PRDM15: variants seen among roughly 807,000 people sequenced by gnomAD.
PRDM15 encodes the protein PR domain zinc finger protein 15.
PRDM15 carries 64 observed loss-of-function variants against 128.6 expected under a neutral mutation model. The ratio of observed to expected loss-of-function variants is 0.50; its 90% CI spans 0.41 to 0.61. The LOEUF (loss-of-function observed/expected upper bound fraction) is 0.61. Among genes scored for constraint, PRDM15 ranks in the 20% least tolerant of loss-of-function variants. The probability of loss-of-function intolerance (pLI) is 0.00; values close to 1 mark genes in which losing one functional copy is unlikely to be tolerated. For synonymous variants in PRDM15, 615 were observed against 621.8 expected (o/e 0.99, Z 0.16); for missense variants, 1,242 against 1,569.1 (o/e 0.79, Z 3.52).
chr21:41,837,508 G>A (rs1442462777), intron 8 of PRDM15, among the ~76,000 whole-genome samples: 2 of 152,192 alleles, frequency 1.3e-5, no homozygotes, highest in African/African-American at 4.8e-5. Flanking sequence ...GAGACAGAAA[G>A]TAGAATGGTG....
chr21:41,874,525 A>ATATATTTTTTTTTT, intron 1 of PRDM15, among the ~76,000 whole-genome samples: 10 of 95,830 alleles, frequency 1.0e-4, no homozygotes, highest in African/African-American at 2.1e-4. Context: ...ATATATATAT[A>ATATATTTTTTTTTT]TTTTTTTTTT....
intron 7 of PRDM15, 82 bp from the exon 8 acceptor site, chr21:41,838,145 A>G (rs2062957295): frequency 6.8e-7 from 1 of 1,481,348 alleles, no homozygotes; most frequent in South Asian, 1.2e-5. Context: ...ACACTGCCCC[A>G]TGGGAACCAC....
Position 41,854,916 on chromosome 21 carries a change from C to T in PRDM15, c.286-98G>A. 1 of 1,377,648 alleles carries T rather than the reference C, an allele frequency of 7.3e-7. No individual in the cohort carries two copies. Among genetic ancestry groups the T allele is most frequent in the Non-Finnish European group, 9.8e-7 (1 of 1,020,430 alleles). The allele number at this position is 1,377,648 out of a possible 1,614,324, so 85.3% of individuals were successfully genotyped here. ...GCAGGTGCTGAGGAACCCATCTAGA[C>T]AGTGCCACGTCAGAGGCCATAAGGG... On this transcript the variant is annotated intron_variant, in intron 4 of 23. Transcript: ENST00000398548. This position sits in a 1 kb window ranked among gnomAD's most constrained non-coding sequence, Gnocchi z 4.6.
chr21:41,827,530 C>T (rs891168125), intron 12 of PRDM15, among the ~76,000 whole-genome samples: 2 of 152,066 alleles, frequency 1.3e-5, no homozygotes, highest in Non-Finnish European at 2.9e-5. Flanking sequence ...TTTGTAGAAG[C>T]AGAGCCTCGC....
chr21:41,864,099 C>T (rs2063917228), intron 1 of PRDM15, among the ~76,000 whole-genome samples: 2 of 152,158 alleles, frequency 1.3e-5, no homozygotes, highest in African/African-American at 4.8e-5. Context: ...ACCTCGGCCT[C>T]CCAAAGTGCT....
At position 41,828,781 on chromosome 21, in the gene PRDM15, C is replaced by T. The variant is rs62214691; in HGVS notation, c.1367-448G>A. ...ACTGACCACCCGACCAATGTGGCCG[C>T]CCCTGCCCCCAGGATCCCTGGTGTT... On this transcript the variant is annotated intron_variant, in intron 11 of 23. Coordinates refer to ENST00000398548, the MANE Select transcript of PRDM15 (RefSeq NM_001040424.3). The surrounding 1 kb of genome is among the most constrained non-coding windows in gnomAD (Gnocchi z 5.7). 0.41 allele frequency among the ~76,000 whole-genome samples: 62,218 copies of T among 151,848 alleles called. 12,972 individuals carry two copies. The highest frequency in any genetic ancestry group is 0.58 in the East Asian group (2,987 of 5,164).
Position 41,810,121 on chromosome 21 carries a change from C to CGGGGCACGGAG in PRDM15, c.2652+22_2652+32dup. 1 of 1,583,300 alleles carries CGGGGCACGGAG rather than the reference C, an allele frequency of 6.3e-7. No homozygotes were observed. Among genetic ancestry groups the CGGGGCACGGAG allele is most frequent in the Non-Finnish European group, 8.6e-7 (1 of 1,165,660 alleles). ...GGGTGTCCGGTGCGCGGCCCGCTGG[C>CGGGGCACGGAG]GGGGCACGGAGGGGGCACAGCCACC... On this transcript the variant is annotated intron_variant, in intron 21 of 23. Transcript: ENST00000398548. The surrounding 1 kb of genome is among the most constrained non-coding windows in gnomAD (Gnocchi z 6.4).
chr21:41,840,892 CAAT>C (rs1053941596), intron 6 of PRDM15, among the ~76,000 whole-genome samples: 3 of 151,774 alleles, frequency 2.0e-5, no homozygotes, highest in African/African-American at 7.3e-5. Context: ...AATAAAAACA[CAAT>C]GTGTCGTATT....
intron 10 of PRDM15, 110 bp from the exon 11 acceptor site, chr21:41,835,634 G>A (rs953940367): frequency 2.6e-6 from 2 of 770,356 alleles, no homozygotes; most frequent in Admixed American, 3.9e-5. Flanking sequence ...TTATGACTCT[G>A]ACCTCCACCA....
intron 5 of PRDM15, among the ~76,000 whole-genome samples, chr21:41,849,998 G>GT (rs1026443517): frequency 2.6e-5 from 4 of 152,226 alleles, no homozygotes; most frequent in African/African-American, 9.6e-5. Flanking sequence ...GGCAACAGCA[G>GT]TTGAGTTAGA....
intron 19 of PRDM15, chr21:41,813,672 T>C (rs545487507): frequency 6.6e-6 from 1 of 152,504 alleles, no homozygotes; most frequent in East Asian, 1.9e-4. Context: ...CACTCGCCCA[T>C]ACAGAAGGGT....
chr21:41,820,575 G>C (rs945251018), intron 16 of PRDM15, among the ~76,000 whole-genome samples: 1 of 152,216 alleles, frequency 6.6e-6, no homozygotes, highest in East Asian at 1.9e-4. Context: ...AGTGTCAGAG[G>C]AGGCGGCCCT....
Position 41,859,502 on chromosome 21 carries a change from T to A in PRDM15, c.131+90A>T. 9.6e-7 allele frequency: 1 copy of A among 1,038,482 alleles called. No homozygotes were observed. The highest frequency in any genetic ancestry group is 2.5e-5 in the East Asian group (1 of 39,316). The allele number at this position is 1,038,482 out of a possible 1,614,324, so 64.3% of individuals were successfully genotyped here. ...AGAGTGCCTCTGTTCTCCCTCAGGC[T>A]CCTTCCTCCCCGTCTGCAGACCCAA... On this transcript the variant is annotated intron_variant, in intron 3 of 23. Coordinates refer to ENST00000398548, the MANE Select transcript of PRDM15 (RefSeq NM_001040424.3). This position sits in a 1 kb window ranked among gnomAD's most constrained non-coding sequence, Gnocchi z 5.3.
chr21:41,801,729 G>A lies in PRDM15; in HGVS notation c.2944-7C>T, dbSNP rs1488491622. On this transcript the variant is annotated splice_polypyrimidine_tract_variant and splice_region_variant and intron_variant, in intron 23 of 23. Transcript: ENST00000398548. Reference sequence around the variant, plus strand: ...CACCCAGGGTCACCACTACCTGGAAGATTCACACACAACAAAAATCCGTTC... The same window carrying A: ...CACCCAGGGTCACCACTACCTGGAAAATTCACACACAACAAAAATCCGTTC... The A allele has an allele frequency of 3.7e-6, 6 of 1,606,152 alleles. No homozygotes were observed. Among genetic ancestry groups the A allele is most frequent in the African/African-American group, 2.7e-5 (2 of 74,770 alleles).
At chr21:41,805,034 T>A (rs2061519010) in intron 21 of PRDM15, among the ~76,000 whole-genome samples, 1 of 152,250 alleles carries the variant, frequency 6.6e-6, no homozygotes, top group African/African-American at 2.4e-5. Flanking sequence ...TTACACATCG[T>A]ACTTTTCAGT....
intron 1 of PRDM15, among the ~76,000 whole-genome samples, chr21:41,875,552 A>G (rs1456586470): frequency 6.6e-6 from 1 of 152,266 alleles, no homozygotes; most frequent in African/African-American, 2.4e-5. Context: ...TCTTGTAAAT[A>G]TATCTATTAG....
intron 1 of PRDM15, among the ~76,000 whole-genome samples, chr21:41,867,745 T>C (rs764892807): frequency 1.3e-5 from 2 of 152,212 alleles, no homozygotes; most frequent in Non-Finnish European, 2.9e-5. Context: ...TCTCCATCTG[T>C]ACAATTTTGT....
chr21:41,820,415 G>A (rs548873540), intron 16 of PRDM15, among the ~76,000 whole-genome samples: 1 of 152,318 alleles, frequency 6.6e-6, no homozygotes, highest in East Asian at 1.9e-4. Context: ...TCTTTGCAGA[G>A]GTGATTACAT....
intron 3 of PRDM15, among the ~76,000 whole-genome samples, chr21:41,858,477 C>T (rs1187553691): frequency 1.3e-5 from 2 of 148,736 alleles, no homozygotes; most frequent in Admixed American, 6.7e-5. Context: ...CAGGCCCCTC[C>T]GACAGAGGCG....
Sources: gnomAD v4.1 joint callset for allele counts (sites outside exome capture counted in the v4.1 genomes callset) on GRCh38, gnomAD v4.1.1 for gene constraint, Gnocchi (gnomAD v3.1) non-coding constraint, MANE v1.5 for transcripts, NCBI Gene and HGNC (gene_info 2026-07-23, HGNC 2026-07-21) for gene names.